The following DPP6 variants were observed in gnomAD, a reference collection of about 807,000 sequenced individuals.
DPP6 encodes the protein dipeptidyl peptidase like 6.
In DPP6, 69 loss-of-function variants were observed where a neutral mutation model predicts 122.6. The ratio of observed to expected loss-of-function variants is 0.56; its 90% CI spans 0.46 to 0.69. The LOEUF (loss-of-function observed/expected upper bound fraction) is 0.69, where lower values mean the gene tolerates loss of function less well. Ranked by LOEUF, DPP6 falls within the 30% of genes least tolerant of loss-of-function variation. The probability of loss-of-function intolerance (pLI) is 0.00; values close to 1 mark genes in which losing one functional copy is unlikely to be tolerated. For synonymous variants in DPP6, 418 were observed against 433.1 expected (o/e 0.97, Z 0.43); for missense variants, 928 against 1,116.9 (o/e 0.83, Z 2.41).
intron 1 of DPP6, among the ~76,000 whole-genome samples, chr7:154,412,551 G>A (rs964136059): frequency 6.6e-6 from 1 of 152,254 alleles, no homozygotes; most frequent in East Asian, 1.9e-4. Flanking sequence ...GGCAGTGGGG[G>A]CTAGTGCTTC....
intron 3 of DPP6, among the ~76,000 whole-genome samples, chr7:154,495,018 C>G (rs1824607249): frequency 6.6e-6 from 1 of 152,138 alleles, no homozygotes; most frequent in East Asian, 1.9e-4. Flanking sequence ...GACATTTGAA[C>G]CAAAGTAACA....
the DPP6 span, among the ~76,000 whole-genome samples, chr7:153,801,519 G>A: frequency 3.9e-5 from 6 of 152,152 alleles, no homozygotes; most frequent in African/African-American, 1.4e-4. Flanking sequence ...CACTGCACAA[G>A]AGGGAAATCC....
intron 1 of DPP6, among the ~76,000 whole-genome samples, chr7:154,042,246 C>T (rs1229060329): frequency 7.2e-5 from 11 of 152,118 alleles, no homozygotes; most frequent in African/African-American, 2.2e-4. Context: ...TTTATTTCTG[C>T]TTCATCAAGC....
At chr7:154,102,675 T>A (rs1381150529) in intron 1 of DPP6, among the ~76,000 whole-genome samples, 1 of 152,164 alleles carries the variant, frequency 6.6e-6, no homozygotes, top group African/African-American at 2.4e-5. Flanking sequence ...CACTTTCATA[T>A]TGATCAAAAA....
At chr7:154,249,998 G>A (rs1351979119) in intron 1 of DPP6, among the ~76,000 whole-genome samples, 2 of 152,122 alleles carry the variant, frequency 1.3e-5, no homozygotes, top group Admixed American at 6.5e-5. Context: ...TGACCTAATC[G>A]GTTATGTTAT....
chr7:154,012,136 A>G (rs9640337), intron 1 of DPP6, among the ~76,000 whole-genome samples: 17,813 of 152,222 alleles, frequency 0.12, 1,152 homozygotes, highest in East Asian at 0.19. Context: ...AGAAGACACT[A>G]TTAGAGCCAG....
intron 5 of DPP6, among the ~76,000 whole-genome samples, chr7:154,612,874 G>C (rs1037974540): frequency 6.7e-6 from 1 of 149,684 alleles, no homozygotes; most frequent in Admixed American, 6.7e-5. Context: ...TCTTATTTGG[G>C]CTACTGTAAC....
At position 154,833,015 on chromosome 7, in the gene DPP6, A is replaced by T. The variant is rs896456493; in HGVS notation, c.1667-20765A>T. On this transcript the variant is annotated intron_variant, in intron 16 of 25. Transcript: ENST00000377770. The surrounding 1 kb of genome is among the most constrained non-coding windows in gnomAD (Gnocchi z 4.3). ...CAGGCAGAATGCTGAGTTTGTGGAG[A>T]TGAGGACAGAGGCCCTGCCCTCAAG... 6.6e-6 allele frequency among the ~76,000 whole-genome samples: 1 copy of T among 152,234 alleles called. No homozygotes were observed. The highest frequency in any genetic ancestry group is 1.5e-5 in the Non-Finnish European group (1 of 68,042).
chr7:154,051,274 T>C (rs1422054919), upstream of DPP6, among the ~76,000 whole-genome samples: 2 of 103,770 alleles, frequency 1.9e-5, no homozygotes, highest in East Asian at 2.3e-4. Context: ...CCCTCTGGAG[T>C]TGGGGTTTCC....
intron 7 of DPP6, among the ~76,000 whole-genome samples, chr7:154,717,416 A>G (rs10281600): frequency 0.024 from 3,690 of 151,648 alleles, 178 homozygotes; most frequent in African/African-American, 0.084. Context: ...CCTTCCCAGC[A>G]CCTTCCCAGC....
chr7:153,763,703 T>A, the DPP6 span, among the ~76,000 whole-genome samples: 3 of 152,186 alleles, frequency 2.0e-5, no homozygotes, highest in Admixed American at 2.0e-4. Context: ...TTTGTGGCAA[T>A]TGGAGTTGCG....
At chr7:154,125,902 A>T (rs1807846783) in intron 1 of DPP6, among the ~76,000 whole-genome samples, 1 of 152,248 alleles carries the variant, frequency 6.6e-6, no homozygotes, top group Non-Finnish European at 1.5e-5. Context: ...GCTTTGTGGT[A>T]CCTGATTATT....
chr7:154,124,333 G>C (rs1396846413), intron 1 of DPP6, among the ~76,000 whole-genome samples: 4 of 152,284 alleles, frequency 2.6e-5, no homozygotes, highest in African/African-American at 7.2e-5. Flanking sequence ...AATGGGTGGA[G>C]AGCGGGAGCA....
rs937914018 is a variant in DPP6 at position 154,554,049 on chromosome 7, C to G, written c.553-12793C>G. 1.5e-4 allele frequency among the ~76,000 whole-genome samples: 23 copies of G among 152,200 alleles called. 1 individual carries two copies. Among genetic ancestry groups the G allele is most frequent in the East Asian group, 1.2e-3 (6 of 5,180 alleles). On this transcript the variant is annotated intron_variant, in intron 4 of 25. Coordinates refer to ENST00000377770, the MANE Select transcript of DPP6 (RefSeq NM_130797.4). ...ATCTTTCCACTCTGCTCTATAGCAT[C>G]TATGTTTTCAGGTTTTCTCTGACTC...
intron 16 of DPP6, among the ~76,000 whole-genome samples, chr7:154,852,594 C>T (rs1292364516): frequency 2.6e-5 from 4 of 152,142 alleles, no homozygotes; most frequent in African/African-American, 9.7e-5. Flanking sequence ...ACTCCACAAA[C>T]ATCCAATCGA....
intron 10 of DPP6, among the ~76,000 whole-genome samples, chr7:154,780,624 G>A (rs201906355): frequency 6.6e-6 from 1 of 152,240 alleles, no homozygotes; most frequent in East Asian, 1.9e-4. Flanking sequence ...GGGCTGGTGA[G>A]CCAGTGCTGG....
At chr7:153,984,053 A>AAC (rs528640069) in intron 1 of DPP6, among the ~76,000 whole-genome samples, 10,803 of 131,890 alleles carry the variant, frequency 0.082, 504 homozygotes, top group Admixed American at 0.12. Context: ...TTCTGTCCAT[A>AAC]ACACACACAC....
At chr7:153,957,888 G>C (rs539499741) in intron 1 of DPP6, among the ~76,000 whole-genome samples, 15 of 152,278 alleles carry the variant, frequency 9.9e-5, no homozygotes, top group Middle Eastern at 3.4e-3. Context: ...AATTGCTCGG[G>C]CGCGGTGGCT....
chr7:154,892,241 C>T (rs1806676073), intron 25 of DPP6, 93 bp from the exon 26 acceptor site: 4 of 1,552,314 alleles, frequency 2.6e-6, no homozygotes, highest in Non-Finnish European at 3.5e-6. Flanking sequence ...CCGGACGGGG[C>T]CCAGGTTTCA....
Sources: gnomAD v4.1 joint callset for allele counts (sites outside exome capture counted in the v4.1 genomes callset) on GRCh38, gnomAD v4.1.1 for gene constraint, Gnocchi (gnomAD v3.1) non-coding constraint, MANE v1.5 for transcripts, NCBI Gene and HGNC (gene_info 2026-07-23, HGNC 2026-07-21) for gene names.